The following EYS variants were observed in gnomAD, a reference collection of about 807,000 sequenced individuals.
EYS encodes the protein protein eyes shut homolog.
In EYS, 250 loss-of-function variants were observed where a neutral mutation model predicts 282.1. The ratio of observed to expected loss-of-function variants is 0.89; its 90% CI spans 0.80 to 0.98. EYS has a LOEUF of 0.98. Ranked by LOEUF, EYS falls within the 50% of genes least tolerant of loss-of-function variation. The pLI is 0.00. For missense variants in EYS, 4,016 were observed against 3,709.0 expected (o/e 1.08, Z -2.15); for synonymous variants, 1,355 against 1,282.9 (o/e 1.06, Z -1.20).
intron 12 of EYS, among the ~76,000 whole-genome samples, chr6:65,058,558 T>C (rs1486706905): frequency 1.3e-5 from 2 of 150,884 alleles, no homozygotes; most frequent in Non-Finnish European, 3.0e-5. Context: ...GATATAATAT[T>C]ATGGTGCCAG....
chr6:64,743,806 A>G (rs2149963199), intron 22 of EYS, among the ~76,000 whole-genome samples: 1 of 152,280 alleles, frequency 6.6e-6, no homozygotes, highest in East Asian at 1.9e-4. Flanking sequence ...AATAATTGAT[A>G]ATCTTAACTT....
At chr6:65,380,231 A>G (rs1344396855) in intron 8 of EYS, among the ~76,000 whole-genome samples, 4 of 152,040 alleles carry the variant, frequency 2.6e-5, no homozygotes, top group African/African-American at 9.7e-5. Context: ...CTGCAAGGCT[A>G]CACAGTAACC....
At chr6:64,140,025 G>A (rs909658668) in intron 31 of EYS, among the ~76,000 whole-genome samples, 41 of 151,784 alleles carry the variant, frequency 2.7e-4, no homozygotes, top group African/African-American at 9.4e-4. Flanking sequence ...TAATGGACAA[G>A]TGCTTGGATA....
At chr6:65,098,233 A>C (rs1365986226) in intron 12 of EYS, among the ~76,000 whole-genome samples, 1 of 150,754 alleles carries the variant, frequency 6.6e-6, no homozygotes, top group African/African-American at 2.4e-5. Flanking sequence ...TTAGAGAAAT[A>C]AAAAGAATAT....
chr6:63,861,060 G>A (rs1772519435), intron 36 of EYS, among the ~76,000 whole-genome samples: 1 of 152,080 alleles, frequency 6.6e-6, no homozygotes, highest in Non-Finnish European at 1.5e-5. Context: ...CAGAGCACCA[G>A]CATCATATAT....
intron 29 of EYS, among the ~76,000 whole-genome samples, chr6:64,374,211 T>C (rs909234542): frequency 1.7e-4 from 1 of 5,726 alleles, no homozygotes. Flanking sequence ...GTGTGGGGGG[T>C]GGGGGATGAG....
At chr6:64,255,122 A>T (rs968394616) in intron 30 of EYS, among the ~76,000 whole-genome samples, 2 of 152,110 alleles carry the variant, frequency 1.3e-5, no homozygotes, top group Non-Finnish European at 2.9e-5. Flanking sequence ...TATTTTTAGC[A>T]TTTAAGCCAT....
intron 24 of EYS, among the ~76,000 whole-genome samples, chr6:64,605,740 C>A (rs1004936795): frequency 2.0e-5 from 3 of 151,834 alleles, no homozygotes; most frequent in African/African-American, 7.2e-5. Flanking sequence ...ATTGTTTGAT[C>A]TTTCCTACTA....
At chr6:65,686,967 C>CA (rs1272968323) in intron 1 of EYS, among the ~76,000 whole-genome samples, 1 of 151,260 alleles carries the variant, frequency 6.6e-6, no homozygotes, top group African/African-American at 2.4e-5. Context: ...TATTAGAACA[C>CA]AAAAATGTTA....
At chr6:63,727,610 C>A (rs1768659836) in intron 41 of EYS, among the ~76,000 whole-genome samples, 1 of 140,082 alleles carries the variant, frequency 7.1e-6, no homozygotes, top group Non-Finnish European at 1.5e-5. Flanking sequence ...GTGGCTCACT[C>A]CTGTAATCCC....
chr6:64,885,490 A>G (rs1767058123), intron 19 of EYS, among the ~76,000 whole-genome samples: 1 of 151,654 alleles, frequency 6.6e-6, no homozygotes, highest in African/African-American at 2.4e-5. Flanking sequence ...AGCAGCAGTA[A>G]CAACAACAAG....
chr6:64,962,088 CA>C (rs1769940465), intron 14 of EYS, among the ~76,000 whole-genome samples: 1 of 152,042 alleles, frequency 6.6e-6, no homozygotes, highest in Non-Finnish European at 1.5e-5. Context: ...TGTTCTTTGT[CA>C]CTACTTCTTC....
intron 36 of EYS, among the ~76,000 whole-genome samples, chr6:63,813,843 A>G (rs1456368741): frequency 2.0e-5 from 3 of 152,174 alleles, no homozygotes; most frequent in Non-Finnish European, 4.4e-5. Flanking sequence ...GAAAGACTCC[A>G]GAATGCCAGT....
intron 5 of EYS, among the ~76,000 whole-genome samples, chr6:65,438,351 T>C (rs1308496175): frequency 6.6e-6 from 1 of 152,134 alleles, no homozygotes; most frequent in East Asian, 1.9e-4. Flanking sequence ...GCATGATTTA[T>C]AATCCTTTGG....
intron 12 of EYS, among the ~76,000 whole-genome samples, chr6:65,155,346 G>T (rs1006814878): frequency 6.6e-6 from 1 of 151,412 alleles, no homozygotes; most frequent in Non-Finnish European, 1.5e-5. Context: ...CCCACACCAA[G>T]AGCTTTGCCA....
At position 64,069,891 on chromosome 6, in the gene EYS, T is replaced by G. The variant is rs1203678601; in HGVS notation, c.6572-3400A>C. 2.0e-5 allele frequency among the ~76,000 whole-genome samples: 3 copies of G among 152,142 alleles called. No homozygotes were observed. The East Asian group carries it at 5.8e-4, about 29-fold the overall frequency. On this transcript the variant is annotated intron_variant, in intron 32 of 42. Coordinates refer to ENST00000503581, the MANE Select transcript of EYS (RefSeq NM_001142800.2). ...TCATTACATGTTAACCTAAATAACA[T>G]ATTTTGTGAAAAGTAATTATATTTT...
At chr6:65,371,741 C>CTCTCTCTCTCTG (rs1335075948) in intron 8 of EYS, among the ~76,000 whole-genome samples, 181 of 70,264 alleles carry the variant, frequency 2.6e-3, no homozygotes, top group African/African-American at 0.01. Context: ...CTCTCTCTCT[C>CTCTCTCTCTCTG]TGTGTGTGTG....
At chr6:64,649,467 G>A (rs947930579) in intron 22 of EYS, among the ~76,000 whole-genome samples, 8 of 151,848 alleles carry the variant, frequency 5.3e-5, no homozygotes, top group Non-Finnish European at 1.2e-4. Context: ...AGCCTCCTGA[G>A]TAGCTGGGAC....
chr6:63,777,912 G>T, intron 40 of EYS, 94 bp downstream of exon 40: 1 of 1,153,446 alleles, frequency 8.7e-7, no homozygotes, highest in Non-Finnish European at 1.3e-6. Flanking sequence ...GCATCTGTTT[G>T]TGTTCCTAGT....
Sources: allele counts gnomAD v4.1 joint callset (sites outside exome capture counted in the v4.1 genomes callset), GRCh38; gene constraint gnomAD v4.1.1; transcripts MANE v1.5; gene names NCBI Gene and HGNC (gene_info 2026-07-23, HGNC 2026-07-21).